The following NLRP9 variants were observed in gnomAD, a reference collection of about 807,000 sequenced individuals.
NLRP9 encodes NLR family pyrin domain containing 9.
Under a neutral mutation model 83.1 loss-of-function variants are expected in NLRP9, and 88 were observed. The observed-to-expected ratio is 1.06, with a 90% CI of 0.89 to 1.26. NLRP9 has a LOEUF of 1.26. NLRP9 is among the 50% of genes most tolerant of loss of function. The pLI is 0.00. For synonymous variants in NLRP9, 521 were observed against 447.6 expected (o/e 1.16, Z -2.07); for missense variants, 1,308 against 1,179.3 (o/e 1.11, Z -1.60).
intron 4 of NLRP9, among the ~76,000 whole-genome samples, chr19:55,717,965 A>G (rs958538136): frequency 6.6e-5 from 10 of 152,228 alleles, no homozygotes; most frequent in Non-Finnish European, 1.2e-4. Flanking sequence ...AAAGGAAGAC[A>G]TAAGAAACTC....
At chr19:55,709,499 TAAGA>T (rs2122269858) in intron 8 of NLRP9, 1 of 152,642 alleles carries the variant, frequency 6.6e-6, no homozygotes, top group Admixed American at 6.5e-5. Context: ...GCCCATTTTC[TAAGA>T]AATAATTAAA....
chr19:55,712,334 C>T, intron 7 of NLRP9, 86 bp downstream of exon 7: 1 of 1,174,490 alleles, frequency 8.5e-7, no homozygotes, highest in South Asian at 1.4e-5. Context: ...TTTAAACCTG[C>T]CTCCCTTCCA....
chr19:55,723,650 C>T lies in NLRP9; in HGVS notation c.2159+330G>A, dbSNP rs142904182. ...GGCTGAGGTGGGAGGATTGCTTGAA[C>T]CCGGGAAGCTGAGGTTGCAGTGAGT... On this transcript the variant is annotated intron_variant, in intron 4 of 8. Transcript: ENST00000332836. 5.0e-3 allele frequency among the ~76,000 whole-genome samples: 742 copies of T among 149,576 alleles called. 6 individuals carry two copies. The highest frequency in any genetic ancestry group is 0.018 in the African/African-American group (708 of 39,846).
rs183163648 is a variant in NLRP9, at chr19:55,713,574, T to C, written c.2502-984A>G. Among the ~76,000 whole-genome samples, 15 of 75,272 alleles carry C rather than the reference T, an allele frequency of 2.0e-4. 1 individual carries two copies. The highest frequency in any genetic ancestry group is 5.3e-4 in the South Asian group (1 of 1,904). 49.4% of individuals were successfully genotyped at this position (75,272 alleles called of 152,430 possible). A position where few individuals can be genotyped will look rare whatever the true frequency, so the allele number is the denominator to read the frequency against. On this transcript the variant is annotated intron_variant, in intron 6 of 8. Transcript: ENST00000332836. ...AGGAGAGAAAGTGCCCCTGGCACCT[T>C]CTCTCCCTCCTCCCCTCCTCCTCCT...
chr19:55,712,629 A>ATT, intron 6 of NLRP9, 39 bp from the exon 7 acceptor site: 1 of 1,576,046 alleles, frequency 6.3e-7, no homozygotes, highest in Non-Finnish European at 8.7e-7. Flanking sequence ...TACACTTATG[A>ATT]GGTCAATCAT....
intron 2 of NLRP9, among the ~76,000 whole-genome samples, 192 bp downstream of exon 2, chr19:55,731,807 T>C (rs1257545144): frequency 6.6e-6 from 1 of 151,970 alleles, no homozygotes; most frequent in Non-Finnish European, 1.5e-5. Context: ...TATTTCTCTT[T>C]ATACAATGGA....
chr19:55,719,391 G>A (rs1354794473), intron 4 of NLRP9, among the ~76,000 whole-genome samples: 1 of 152,164 alleles, frequency 6.6e-6, no homozygotes, highest in African/African-American at 2.4e-5. Context: ...GAGCTCAAGT[G>A]ATCTGCCCGC....
intron 2 of NLRP9, among the ~76,000 whole-genome samples, chr19:55,731,623 C>T (rs185630896): frequency 1.3e-5 from 2 of 151,138 alleles, no homozygotes; most frequent in Non-Finnish European, 2.9e-5. Flanking sequence ...ACCTGGGAAG[C>T]TGAGGCAGGA....
chr19:55,722,500 C>G (rs1361424778), intron 4 of NLRP9, among the ~76,000 whole-genome samples: 1 of 152,120 alleles, frequency 6.6e-6, no homozygotes, highest in East Asian at 1.9e-4. Context: ...TAAAATTAAC[C>G]AAGTATAGAT....
chr19:55,714,712 C>T (rs1987939321), intron 6 of NLRP9, among the ~76,000 whole-genome samples: 1 of 152,088 alleles, frequency 6.6e-6, no homozygotes, highest in Non-Finnish European at 1.5e-5. Context: ...AGTTCTGGAG[C>T]CGGGAAGTCC....
rs138908052 is a variant in NLRP9 at position 55,714,923 on chromosome 19, G to A, written c.2501+132C>T. The stretch of plus-strand genomic sequence containing the variant: ...CCTAGTACCATCAGCCTGGGGGTGA[G>A]GACCCAACATACGAATTTTGGGAGG... On this transcript the variant is annotated intron_variant, in intron 6 of 8. Transcript: ENST00000332836. The A allele has an allele frequency of 2.5e-5, 20 of 794,378 alleles. No individual in the cohort carries two copies. In the East Asian group the frequency reaches 5.2e-4, roughly 21 times the overall value. 49.2% of individuals were successfully genotyped at this position (794,378 alleles called of 1,614,324 possible).
At chr19:55,717,015 A>G in intron 4 of NLRP9, 117 bp from the exon 5 acceptor site, 1 of 686,192 alleles carries the variant, frequency 1.5e-6, no homozygotes. Context: ...TCCATTATCT[A>G]CACTACAGAC....
chr19:55,723,902 G>T, intron 4 of NLRP9, 78 bp downstream of exon 4: 2 of 1,163,948 alleles, frequency 1.7e-6, no homozygotes, highest in Non-Finnish European at 2.5e-6. Context: ...TGACCCTCCA[G>T]GAAGGAAAAC....
intron 5 of NLRP9, among the ~76,000 whole-genome samples, chr19:55,715,558 C>A (rs1987976606): frequency 6.6e-6 from 1 of 152,154 alleles, no homozygotes; most frequent in South Asian, 2.1e-4. Flanking sequence ...GTGACGCACA[C>A]CTGTAATCCC....
Position 55,716,887 on chromosome 19 carries a change from C to T in NLRP9, c.2171G>A (p.Cys724Tyr). Residue 724 changes from cysteine (C) to tyrosine (Y), a missense_variant, in exon 5 of 9, where the codon TGT becomes TAT. Cys to Tyr is a radical substitution (Grantham distance 194). Coordinates refer to ENST00000332836, the MANE Select transcript of NLRP9 (RefSeq NM_176820.4). ...CKIEELILGKCDISSEVCEDI... is the reference protein window; with the variant it reads ...CKIEELILGKYDISSEVCEDI... ...TTCACAAACTTCACTGGAGATGTCA[C>T]ACTTTCCCAGTCTACATGTGAAACA... 6.2e-7 allele frequency: 1 copy of T among 1,613,702 alleles called. No homozygotes were observed. The highest frequency in any genetic ancestry group is 1.1e-5 in the South Asian group (1 of 91,066).
At chr19:55,723,369 T>G (rs1261775453) in intron 4 of NLRP9, among the ~76,000 whole-genome samples, 1 of 151,678 alleles carries the variant, frequency 6.6e-6, no homozygotes, top group Non-Finnish European at 1.5e-5. Flanking sequence ...AAAAAAAATG[T>G]TGTTCTTGTT....
rs140305977 is a variant in NLRP9 at position 55,716,790 on chromosome 19, G to T, written c.2268C>A (p.Asp756Glu). 6.2e-7 allele frequency: 1 copy of T among 1,613,776 alleles called. No individual in the cohort carries two copies. The highest frequency in any genetic ancestry group is 8.5e-7 in the Non-Finnish European group (1 of 1,179,816). Residue 756 changes from aspartate (D) to glutamate (E), a missense_variant, in exon 5 of 9, where the codon GAC (aspartate) becomes GAA (glutamate). Transcript: ENST00000332836. ...HLSLVENPLR[D>E]EGMTLLCEAL... ...CTTCACACAGCAACGTCATTCCTTC[G>T]TCCCTCAAGGGATTTTCTACCAAGG...
chr19:55,724,602 T>A (rs77780005), intron 3 of NLRP9, among the ~76,000 whole-genome samples: 20 of 152,030 alleles, frequency 1.3e-4, no homozygotes, highest in Non-Finnish European at 2.2e-4. Context: ...TTTTTTTTTT[T>A]AATAAAAGAG....
Position 55,712,104 on chromosome 19 carries a change from G to T in NLRP9, c.2673-134C>A, listed in dbSNP as rs1305100915. The T allele has an allele frequency of 3.4e-6, 3 of 880,740 alleles. No individual in the cohort carries two copies. The Admixed American group carries it at 7.8e-5, about 23-fold the overall frequency. The allele number at this position is 880,740 out of a possible 1,614,324, so 54.6% of individuals were successfully genotyped here. On this transcript the variant is annotated intron_variant, in intron 7 of 8. Transcript: ENST00000332836. Reference sequence around the variant, plus strand: ...TAGACCCGGGCTTCTCAGCCAGGACGATTGTGCTCCTGGGGGACGTATGTC... The same window carrying T: ...TAGACCCGGGCTTCTCAGCCAGGACTATTGTGCTCCTGGGGGACGTATGTC...
Sources: allele counts gnomAD v4.1 joint callset (sites outside exome capture counted in the v4.1 genomes callset), GRCh38; gene constraint gnomAD v4.1.1; transcripts MANE v1.5; gene names NCBI Gene and HGNC (gene_info 2026-07-23, HGNC 2026-07-21).